DPP7: variants seen among roughly 807,000 people sequenced by gnomAD.
DPP7 encodes dipeptidyl peptidase 2.
Under a neutral mutation model 58.8 loss-of-function variants are expected in DPP7, and 74 were observed. That is an observed-to-expected ratio of 1.26 (90% CI 1.04 to 1.53). DPP7 has a LOEUF of 1.53. Ranked by LOEUF, DPP7 falls within the 40% of genes most tolerant of loss-of-function variation. The pLI, the probability that DPP7 is intolerant of heterozygous loss-of-function variation, is 0.00. For missense variants in DPP7, 807 were observed against 692.3 expected (o/e 1.17, Z -1.86); for synonymous variants, 350 against 303.6 (o/e 1.15, Z -1.59).
chr9:137,118,116 T>C (rs1588672145), upstream of DPP7, among the ~76,000 whole-genome samples: 1 of 151,536 alleles, frequency 6.6e-6, no homozygotes, highest in African/African-American at 2.4e-5. Flanking sequence ...GCCTCCGGAG[T>C]AGCTGAGATT....
At position 137,111,976 on chromosome 9, in the gene DPP7, G is replaced by A; in HGVS notation, c.1104C>T (p.Phe368=). 1 of 1,613,680 alleles carries A rather than the reference G, an allele frequency of 6.2e-7. No individual in the cohort carries two copies. Among genetic ancestry groups the A allele is most frequent in the Non-Finnish European group, 8.5e-7 (1 of 1,179,830 alleles). The change falls in exon 10 of 13, where the codon TTC becomes TTT. Residue 368 remains phenylalanine (F), a synonymous_variant. Coordinates refer to ENST00000371579, the MANE Select transcript of DPP7 (RefSeq NM_013379.3). ...GCTCGTCAGTGAAGGGCAGGTCCGG[G>A]AACATATCGGTCACATTGTTGCTGG... is the stretch of plus-strand genomic sequence containing the variant. ...TFASNNVTDM[F]PDLPFTDELR... is the part of the protein sequence containing the mutation.
chr9:137,117,483 C>G (rs755311259), upstream of DPP7, among the ~76,000 whole-genome samples: 1 of 152,214 alleles, frequency 6.6e-6, no homozygotes, highest in Non-Finnish European at 1.5e-5. Flanking sequence ...ATCCTGGGAG[C>G]CTGGCCAGCA....
In DPP7 at chr9:137,111,761, G is replaced by A. The variant is rs769591813; in HGVS notation, c.1208-7C>T. 7.4e-6 allele frequency: 12 copies of A among 1,613,612 alleles called. No homozygotes were observed. The South Asian group carries it at 1.1e-4, about 15-fold the overall frequency. On this transcript the variant is annotated splice_region_variant and splice_polypyrimidine_tract_variant and intron_variant, in intron 10 of 12. Transcript: ENST00000371579. ...TTGCTGGCGGCTCTGAGATCTGCAAGGGGCAGAGAAAGTTGTGATGTGGGC... is the reference window on the plus strand; with the variant it reads ...TTGCTGGCGGCTCTGAGATCTGCAAAGGGCAGAGAAAGTTGTGATGTGGGC...
chr9:137,111,060 T>A, intron 11 of DPP7, 110 bp from the exon 12 acceptor site: 1 of 1,088,568 alleles, frequency 9.2e-7, no homozygotes, highest in Non-Finnish European at 1.4e-6. Context: ...TCAGTGCCCA[T>A]CAAGCAACCA....
chr9:137,111,875 C>T lies in DPP7; in HGVS notation c.1205G>A (p.Gly402Asp), dbSNP rs1170996708. 7.2e-7 allele frequency: 1 copy of T among 1,391,680 alleles called. No individual in the cohort carries two copies. Among genetic ancestry groups the T allele is most frequent in the Non-Finnish European group, 1.0e-6 (1 of 983,424 alleles). The allele number at this position is 1,391,680 out of a possible 1,614,324, so 86.2% of individuals were successfully genotyped here. The change falls in exon 10 of 13, where the codon GGT (glycine) becomes GAT (aspartate). Residue 402 changes from glycine to aspartate, a missense_variant and splice_region_variant. Gly to Asp is a moderately conservative substitution (Grantham distance 94). This residue lies in a region of DPP7 where 624 missense variants were observed against 531.2 expected (regional missense o/e 1.17). Transcript: ENST00000371579. ...GGCCCACCCCCCCTCAGCCTTACCA[C>T]CCCCCCAGAAGCTGGTCAGCAGCCA... ...PDWLLTSFWG[G>D]DLRAASNIIF...
chr9:137,116,651 G>A (rs554087447), upstream of DPP7, among the ~76,000 whole-genome samples: 33 of 152,342 alleles, frequency 2.2e-4, no homozygotes, highest in East Asian at 1.4e-3. Context: ...AGACCTGATC[G>A]TCCCCCAGCC....
At chr9:137,111,008 G>T in intron 11 of DPP7, 58 bp from the exon 12 acceptor site, 1 of 1,540,308 alleles carries the variant, frequency 6.5e-7, no homozygotes, top group Non-Finnish European at 8.9e-7. Context: ...CCCAGCCTCC[G>T]TGGGCCCATT....
At chr9:137,118,136 C>T (rs977431435), upstream of DPP7, among the ~76,000 whole-genome samples, 19 of 151,950 alleles carry the variant, frequency 1.3e-4, no homozygotes, top group African/African-American at 4.6e-4. Flanking sequence ...TACAGGCACC[C>T]ACCACCACGC....
chr9:137,116,830 C>T (rs763115289), upstream of DPP7, among the ~76,000 whole-genome samples: 5 of 152,206 alleles, frequency 3.3e-5, no homozygotes, highest in Non-Finnish European at 4.4e-5. Context: ...GAAAACCGCC[C>T]TGTGGCTGGA....
rs369123235 is a variant in DPP7, at chr9:137,110,631, C to T, written c.*17G>A. ...CCCCACTCCATGAGGAGCCTTGAGA[C>T]CCCTCCAGTCCTGTGCTCAGAGGCT... On this transcript the variant is annotated 3_prime_UTR_variant, in exon 13 of 13. Transcript: ENST00000371579. The T allele has an allele frequency of 3.2e-5, 52 of 1,605,832 alleles. No individual in the cohort carries two copies. Among genetic ancestry groups the T allele is most frequent in the Middle Eastern group, 2.2e-4 (1 of 4,450 alleles).
At chr9:137,112,625 G>A (rs1831427132) in intron 8 of DPP7, 120 bp downstream of exon 8, 1 of 1,248,402 alleles carries the variant, frequency 8.0e-7, no homozygotes, top group African/African-American at 1.5e-5. Flanking sequence ...CCCCACCACA[G>A]CCCTGGGGCA....
chr9:137,112,993 G>T lies in DPP7; in HGVS notation c.830C>A (p.Pro277His). ...AGGGAGGGGACCCAGGAAGTCAGTG[G>T]GGTAGGGGTAGTCCATCATGGCCAG... ...TVLAMMDYPY[P>H]TDFLGPLPAN... Residue 277 changes from proline to histidine, a missense_variant, in exon 7 of 13, where the codon CCC (proline) becomes CAC (histidine). Transcript: ENST00000371579. 6.2e-7 allele frequency: 1 copy of T among 1,613,662 alleles called. No homozygotes were observed. Among genetic ancestry groups the T allele is most frequent in the Non-Finnish European group, 8.5e-7 (1 of 1,180,012 alleles).
At position 137,110,637 on chromosome 9, in the gene DPP7, C is replaced by T. The variant is rs983961024; in HGVS notation, c.*11G>A. ...TCCATGAGGAGCCTTGAGACCCCTC[C>T]AGTCCTGTGCTCAGAGGCTGAGTCT... On this transcript the variant is annotated 3_prime_UTR_variant, in exon 13 of 13. Transcript: ENST00000371579. 13 of 1,609,596 alleles carry T rather than the reference C, an allele frequency of 8.1e-6. No homozygotes were observed. The highest frequency in any genetic ancestry group is 1.7e-5 in the Admixed American group (1 of 59,950).
chr9:137,111,775 T>G (rs1162741962), intron 10 of DPP7, 21 bp from the exon 11 acceptor site: 1 of 1,613,456 alleles, frequency 6.2e-7, no homozygotes, highest in African/African-American at 1.3e-5. Context: ...CAGAGAAAGT[T>G]GTGATGTGGG....
At position 137,114,447 on chromosome 9, in the gene DPP7, G is replaced by A. The variant is rs10870183; in HGVS notation, c.181+16C>T. ...GCGGGACGGCGGGGGCGGCCGGGCCGGGGCCGGGGTCTCACCCGACACCAG... is the reference window on the plus strand; with the variant it reads ...GCGGGACGGCGGGGGCGGCCGGGCCAGGGCCGGGGTCTCACCCGACACCAG... On this transcript the variant is annotated intron_variant, in intron 2 of 12. Transcript: ENST00000371579. 440,165 of 1,556,732 alleles carry A rather than the reference G, an allele frequency of 0.28. 66,525 individuals carry two copies. Among genetic ancestry groups the A allele is most frequent in the East Asian group, 0.6 (25,230 of 41,808 alleles).
rs184063077 is a variant in DPP7, at chr9:137,113,311, C to T, written c.622-24G>A. ...TCCTGGGGGAAAGAGACCGTGCTGA[C>T]TGCAGCTGCTGTCCCTTAGGGGGCC... is the stretch of plus-strand genomic sequence containing the variant. On this transcript the variant is annotated intron_variant, in intron 5 of 12. Transcript: ENST00000371579. 4.6e-4 allele frequency: 741 copies of T among 1,613,488 alleles called. 4 individuals are homozygous for T. The African/African-American group carries it at 7.8e-3, about 17-fold the overall frequency.
Position 137,112,208 on chromosome 9 carries a change from G to A in DPP7, c.954C>T (p.Gly318=), listed in dbSNP as rs146181330. The part of the protein sequence containing the change: ...ALAGLVYNAS[G]SEHCYDIYRL... ...GGTAGATGTCGTAGCAGTGCTCGGA[G>A]CCCGAGGCGTTGTAGACCAGCCCTG... Residue 318 remains glycine, a synonymous_variant, in exon 9 of 13, where the codon GGC becomes GGT. Transcript: ENST00000371579. 1.4e-4 allele frequency: 232 copies of A among 1,602,424 alleles called. No individual in the cohort carries two copies. The African/African-American group carries it at 2.5e-3, about 17-fold the overall frequency.
upstream of DPP7, chr9:137,114,782 G>A (rs1018228648): frequency 4.4e-6 from 5 of 1,148,894 alleles, no homozygotes; most frequent in South Asian, 4.1e-5. Flanking sequence ...CCTCCCTCCA[G>A]GCCCCACGTG....
Position 137,113,909 on chromosome 9 carries a change from G to A in DPP7, c.441C>T (p.Arg147=). ...DFAELLRALR[R]DLGAQDAPAI... ...CGGGGGCATCCTGGGCCCCGAGGTCGCGTCGTAGCGCGCGGAGCAGCTCTG... is the reference window on the plus strand; with the variant it reads ...CGGGGGCATCCTGGGCCCCGAGGTCACGTCGTAGCGCGCGGAGCAGCTCTG... The change falls in exon 4 of 13, where the codon CGC becomes CGT. Residue 147 remains arginine (R), a synonymous_variant. Coordinates refer to ENST00000371579, the MANE Select transcript of DPP7 (RefSeq NM_013379.3). 6.4e-7 allele frequency: 1 copy of A among 1,573,444 alleles called. No individual in the cohort carries two copies. The highest frequency in any genetic ancestry group is 8.6e-7 in the Non-Finnish European group (1 of 1,165,770).
Sources: allele counts gnomAD v4.1 joint callset (sites outside exome capture counted in the v4.1 genomes callset), GRCh38; gene constraint gnomAD v4.1.1; regional missense constraint gnomAD v4.1.1; transcripts MANE v1.5; gene names NCBI Gene and HGNC (gene_info 2026-07-23, HGNC 2026-07-21).